Variants in BCAS3 observed in about 807,000 individuals in gnomAD.
BCAS3 encodes the protein BCAS3 microtubule associated cell migration factor.
Under a neutral mutation model 116.1 loss-of-function variants are expected in BCAS3, and 53 were observed. That is an observed-to-expected ratio of 0.46 (90% CI 0.37 to 0.57). The LOEUF (loss-of-function observed/expected upper bound fraction) is 0.57. Among genes scored for constraint, BCAS3 ranks in the 20% least tolerant of loss-of-function variants. BCAS3 has a pLI of 0.00. For synonymous variants in BCAS3, 391 were observed against 408.2 expected (o/e 0.96, Z 0.51); for missense variants, 917 against 1,165.4 (o/e 0.79, Z 3.10).
chr17:61,055,402 CA>C (rs1178356327), intron 19 of BCAS3, among the ~76,000 whole-genome samples: 1 of 152,152 alleles, frequency 6.6e-6, no homozygotes, highest in African/African-American at 2.4e-5. Context: ...GAATTTCTGT[CA>C]ATTGTTTGAC....
intron 22 of BCAS3, among the ~76,000 whole-genome samples, chr17:61,230,526 A>C (rs1157467566): frequency 6.6e-6 from 1 of 151,734 alleles, no homozygotes. Context: ...TCAATGTTTC[A>C]CTCCCACTTA....
At chr17:60,714,715 A>G (rs1008048175) in intron 5 of BCAS3, among the ~76,000 whole-genome samples, 2 of 152,152 alleles carry the variant, frequency 1.3e-5, no homozygotes, top group African/African-American at 4.8e-5. Flanking sequence ...CTGGTTAAAC[A>G]TTTTAAAAAA....
chr17:60,741,992 G>A (rs2041595545), intron 5 of BCAS3, among the ~76,000 whole-genome samples: 1 of 152,036 alleles, frequency 6.6e-6, no homozygotes, highest in Non-Finnish European at 1.5e-5. Flanking sequence ...CAGATATCCT[G>A]CATTTTTTTT....
At chr17:61,009,536 G>A (rs2064964849) in intron 15 of BCAS3, among the ~76,000 whole-genome samples, 1 of 151,884 alleles carries the variant, frequency 6.6e-6, no homozygotes. Context: ...ATTCCTTAAT[G>A]TTATTTTAAC....
chr17:60,886,673 C>T (rs2144980224), intron 9 of BCAS3, among the ~76,000 whole-genome samples: 1 of 152,048 alleles, frequency 6.6e-6, no homozygotes, highest in East Asian at 1.9e-4. Context: ...AGACAGGACC[C>T]TCAGCTGCAG....
At chr17:61,164,269 A>G (rs2078350029) in intron 22 of BCAS3, among the ~76,000 whole-genome samples, 1 of 152,160 alleles carries the variant, frequency 6.6e-6, no homozygotes, top group African/African-American at 2.4e-5. Flanking sequence ...GTTTTTTATT[A>G]AACATGTGCT....
chr17:61,246,587 T>G (rs957882521), intron 22 of BCAS3, among the ~76,000 whole-genome samples: 2 of 151,150 alleles, frequency 1.3e-5, no homozygotes, highest in African/African-American at 4.9e-5. Context: ...GTGTTAGGTG[T>G]AGGCTAGGGG....
chr17:61,053,836 G>C (rs1222984762), intron 19 of BCAS3, among the ~76,000 whole-genome samples: 1 of 152,166 alleles, frequency 6.6e-6, no homozygotes, highest in Non-Finnish European at 1.5e-5. Context: ...ATCTGGGATA[G>C]TTAAAATTTC....
rs368489170 is a variant in BCAS3, at chr17:60,910,625, C to T, written c.916C>T (p.His306Tyr). 12 of 1,613,440 alleles carry T rather than the reference C, an allele frequency of 7.4e-6. No individual in the cohort carries two copies. Among genetic ancestry groups the T allele is most frequent in the Non-Finnish European group, 1.0e-5 (12 of 1,179,734 alleles). The change falls in exon 12 of 24, where the codon CAC (histidine) becomes TAC (tyrosine). Residue 306 changes from histidine (H) to tyrosine (Y), a missense_variant. Transcript: ENST00000407086. ...TGTGACAGAAGATGATGTTGCCATC[C>T]ACAGTAATTCACGGCGGAGTCCTTT... The part of the protein sequence containing the change: ...SGVTEDDVAI[H>Y]SNSRRSPLVP...
At chr17:60,796,343 A>G (rs561044733) in intron 6 of BCAS3, among the ~76,000 whole-genome samples, 27 of 152,276 alleles carry the variant, frequency 1.8e-4, no homozygotes, top group South Asian at 4.1e-4. Flanking sequence ...TCTGCTGTGA[A>G]TCCGTCTGGT....
chr17:60,807,867 T>G, intron 6 of BCAS3, 137 bp from the exon 7 acceptor site: 1 of 584,418 alleles, frequency 1.7e-6, no homozygotes, highest in East Asian at 2.9e-5. Flanking sequence ...GCTTTTCTTC[T>G]TTTTATTCAA....
chr17:61,208,762 G>C lies in BCAS3; in HGVS notation c.2425+124198G>C, dbSNP rs1001453132. Among the ~76,000 whole-genome samples, 1 of 152,018 alleles carries C rather than the reference G, an allele frequency of 6.6e-6. No individual in the cohort carries two copies. The highest frequency in any genetic ancestry group is 1.5e-5 in the Non-Finnish European group (1 of 68,020). On this transcript the variant is annotated intron_variant, in intron 22 of 23. Transcript: ENST00000407086. The surrounding 1 kb of genome is among the most constrained non-coding windows in gnomAD (Gnocchi z 4.5). ...GTCTTTTCCTGTTTAAAATACAGCTGCCCCTGCAGTAGAGCCCTTGTCAGC... is the reference window on the plus strand; with the variant it reads ...GTCTTTTCCTGTTTAAAATACAGCTCCCCCTGCAGTAGAGCCCTTGTCAGC...
At chr17:60,793,732 T>TCATTC (rs2046976899) in intron 6 of BCAS3, among the ~76,000 whole-genome samples, 1 of 152,202 alleles carries the variant, frequency 6.6e-6, no homozygotes, top group African/African-American at 2.4e-5. Context: ...TGCTGTTAGT[T>TCATTC]CATTCCTTTT....
At chr17:60,944,916 T>C (rs2060406623) in intron 13 of BCAS3, among the ~76,000 whole-genome samples, 1 of 152,150 alleles carries the variant, frequency 6.6e-6, no homozygotes, top group South Asian at 2.1e-4. Flanking sequence ...GCTTTCCTCC[T>C]ACAACACAGA....
chr17:60,788,012 G>A (rs1382740433), intron 6 of BCAS3, among the ~76,000 whole-genome samples: 1 of 151,748 alleles, frequency 6.6e-6, no homozygotes, highest in Non-Finnish European at 1.5e-5. Context: ...TAAAGTTTGA[G>A]TTCTCATATG....
At chr17:60,775,512 CTTG>C (rs1052859804) in intron 6 of BCAS3, among the ~76,000 whole-genome samples, 51 of 147,198 alleles carry the variant, frequency 3.5e-4, no homozygotes, top group African/African-American at 1.3e-3. Context: ...ATTTTTTTCT[CTTG>C]TTGTTGTTAC....
chr17:60,695,901 T>C (rs954170630), intron 4 of BCAS3, among the ~76,000 whole-genome samples: 3 of 152,048 alleles, frequency 2.0e-5, no homozygotes, highest in Non-Finnish European at 4.4e-5. Flanking sequence ...CTTGGGCTCA[T>C]AGGGGATTTA....
At chr17:60,972,175 C>T (rs75948634) in intron 14 of BCAS3, among the ~76,000 whole-genome samples, 2,343 of 152,250 alleles carry the variant, frequency 0.015, 61 homozygotes, top group African/African-American at 0.053. Flanking sequence ...TAAGTACAGT[C>T]ATGTAAGCCA....
At chr17:60,807,650 T>C (rs1443035315) in intron 6 of BCAS3, among the ~76,000 whole-genome samples, 1 of 151,918 alleles carries the variant, frequency 6.6e-6, no homozygotes, top group Non-Finnish European at 1.5e-5. Context: ...GGCATGGTGG[T>C]ACGTGCCTGT....
Sources: allele counts gnomAD v4.1 joint callset (sites outside exome capture counted in the v4.1 genomes callset), GRCh38; gene constraint gnomAD v4.1.1; non-coding constraint Gnocchi (gnomAD v3.1); transcripts MANE v1.5; gene names NCBI Gene and HGNC (gene_info 2026-07-23, HGNC 2026-07-21).